Variants in DACH1 observed in about 807,000 individuals in gnomAD.
DACH1 encodes the protein dachshund family transcription factor 1.
DACH1 carries 12 observed loss-of-function variants against 54.2 expected under a neutral mutation model. That is an observed-to-expected ratio of 0.22 (90% CI 0.14 to 0.36). The LOEUF is 0.36. Ranked by LOEUF, DACH1 falls within the 10% of genes least tolerant of loss-of-function variation. The probability of loss-of-function intolerance (pLI) is 1.00; values close to 1 mark genes in which losing one functional copy is unlikely to be tolerated. For synonymous variants in DACH1, 386 were observed against 366.2 expected, an observed-to-expected ratio of 1.05 and a Z score of -0.62; for missense variants, 805 against 929.8, an observed-to-expected ratio of 0.87 and a Z score of 1.75.
intron 4 of DACH1, among the ~76,000 whole-genome samples, chr13:71,570,273 G>A (rs2138408802): frequency 6.6e-6 from 1 of 152,216 alleles, no homozygotes; most frequent in Non-Finnish European, 1.5e-5. Flanking sequence ...ATCTATAACT[G>A]CTTAGAATCG....
intron 1 of DACH1, among the ~76,000 whole-genome samples, chr13:71,858,472 A>C (rs905467997): frequency 5.3e-5 from 8 of 151,806 alleles, no homozygotes; most frequent in Non-Finnish European, 8.9e-5. Flanking sequence ...TCATGCTTTA[A>C]AAGTATATCC....
chr13:71,832,573 T>G (rs1403901098), intron 1 of DACH1, among the ~76,000 whole-genome samples: 2 of 151,928 alleles, frequency 1.3e-5, no homozygotes, highest in East Asian at 1.9e-4. Flanking sequence ...TGTTGAATAT[T>G]CCCAAATAGA....
At chr13:71,773,979 A>C (rs2138043418) in intron 1 of DACH1, among the ~76,000 whole-genome samples, 1 of 150,334 alleles carries the variant, frequency 6.7e-6, no homozygotes, top group East Asian at 1.9e-4. Context: ...CCTGTTTAAA[A>C]AAAAAAAAAA....
At chr13:71,698,392 C>T (rs1032709858) in intron 1 of DACH1, among the ~76,000 whole-genome samples, 6 of 152,104 alleles carry the variant, frequency 3.9e-5, no homozygotes, top group Non-Finnish European at 8.8e-5. Context: ...AAAGCTAAAA[C>T]ATACTGATAC....
chr13:71,590,371 T>G (rs893094879), intron 3 of DACH1, among the ~76,000 whole-genome samples: 2 of 152,198 alleles, frequency 1.3e-5, no homozygotes, highest in Admixed American at 6.5e-5. Context: ...AAAGCCTTGC[T>G]TTGACAAGGT....
chr13:71,666,019 G>A (rs111434690), intron 2 of DACH1, among the ~76,000 whole-genome samples: 4,105 of 152,148 alleles, frequency 0.027, 182 homozygotes, highest in African/African-American at 0.092. Flanking sequence ...AGTTAGTTAT[G>A]AATTGTTTGC....
intron 3 of DACH1, among the ~76,000 whole-genome samples, chr13:71,579,883 G>A (rs1885755630): frequency 1.3e-5 from 2 of 152,050 alleles, no homozygotes; most frequent in South Asian, 2.1e-4. Context: ...GTGTTAACCA[G>A]GGAAAATAGA....
At chr13:71,679,695 G>A (rs1785371807) in intron 2 of DACH1, among the ~76,000 whole-genome samples, 1 of 151,990 alleles carries the variant, frequency 6.6e-6, no homozygotes, top group Admixed American at 6.6e-5. Context: ...TATAAAACAT[G>A]AAAAGTTGGC....
At chr13:71,489,850 T>C (rs1399041616) in intron 6 of DACH1, among the ~76,000 whole-genome samples, 2 of 152,106 alleles carry the variant, frequency 1.3e-5, no homozygotes, top group African/African-American at 4.8e-5. Context: ...TATAACAACA[T>C]TCAGGGAATC....
chr13:71,516,326 T>C (rs1472528274), intron 6 of DACH1, among the ~76,000 whole-genome samples: 6 of 151,866 alleles, frequency 4.0e-5, no homozygotes, highest in African/African-American at 9.7e-5. Flanking sequence ...TGGATGACTA[T>C]AGTATCTTTC....
At chr13:71,444,117 A>T (rs1471092971) in intron 10 of DACH1, among the ~76,000 whole-genome samples, 1 of 152,158 alleles carries the variant, frequency 6.6e-6, no homozygotes, top group Non-Finnish European at 1.5e-5. Context: ...ATAAAAATAA[A>T]CAGAACAAAA....
chr13:71,779,169 ATATATATACACATATATACG>A (rs1481513361), intron 1 of DACH1, among the ~76,000 whole-genome samples: 2 of 68,376 alleles, frequency 2.9e-5, no homozygotes, highest in African/African-American at 1.5e-4. Context: ...GTATATACGT[ATATATATACACATATATACG>A]TATATACGTA....
At chr13:71,585,716 A>C (rs1429880180) in intron 3 of DACH1, among the ~76,000 whole-genome samples, 1 of 152,122 alleles carries the variant, frequency 6.6e-6, no homozygotes, top group African/African-American at 2.4e-5. Flanking sequence ...CAGGATGATG[A>C]GTTTGGTCAT....
intron 1 of DACH1, among the ~76,000 whole-genome samples, chr13:71,760,864 A>G (rs946280927): frequency 1.3e-5 from 2 of 152,148 alleles, no homozygotes; most frequent in African/African-American, 4.8e-5. Context: ...CACTTAGCAC[A>G]TTCCACTATA....
At chr13:71,769,529 G>T (rs576974) in intron 1 of DACH1, among the ~76,000 whole-genome samples, 6,093 of 151,714 alleles carry the variant, frequency 0.04, 250 homozygotes, top group African/African-American at 0.11. Context: ...CCTTGGTTGA[G>T]TATCATGTGC....
At chr13:71,443,459 TAAAA>T (rs1174291518) in intron 10 of DACH1, among the ~76,000 whole-genome samples, 1 of 151,746 alleles carries the variant, frequency 6.6e-6, no homozygotes, top group Non-Finnish European at 1.5e-5. Flanking sequence ...AATGAAAAAA[TAAAA>T]AAGAAATACC....
chr13:71,519,508 T>A lies in DACH1; in HGVS notation c.1571-30360A>T, dbSNP rs1380587809. On this transcript the variant is annotated intron_variant, in intron 6 of 10. Transcript: ENST00000613252. ...TTTCCTACCATTTTTCCAAAATTAT[T>A]CCCATTTTTCCCATTTATAAAACAA... Among the ~76,000 whole-genome samples, 3 of 151,586 alleles carry A rather than the reference T, an allele frequency of 2.0e-5. 1 individual carries two copies. In the East Asian group the frequency reaches 5.9e-4, roughly 30 times the overall value.
intron 1 of DACH1, among the ~76,000 whole-genome samples, chr13:71,858,261 GA>G (rs1317154835): frequency 6.6e-6 from 1 of 151,598 alleles, no homozygotes; most frequent in Non-Finnish European, 1.5e-5. Flanking sequence ...GTTGTAACTG[GA>G]AAGGCAATCT....
intron 2 of DACH1, among the ~76,000 whole-genome samples, chr13:71,676,217 G>C (rs1055053562): frequency 5.3e-5 from 8 of 151,962 alleles, no homozygotes; most frequent in Non-Finnish European, 1.2e-4. Flanking sequence ...AACATACAAG[G>C]CACAATTTTT....
Sources: allele counts gnomAD v4.1 joint callset (sites outside exome capture counted in the v4.1 genomes callset), GRCh38; gene constraint gnomAD v4.1.1; transcripts MANE v1.5; gene names NCBI Gene and HGNC (gene_info 2026-07-23, HGNC 2026-07-21).